The following MKLN1 variants were observed in gnomAD, a reference collection of about 807,000 sequenced individuals.
MKLN1 encodes the protein muskelin.
Under a neutral mutation model 99.0 loss-of-function variants are expected in MKLN1, and 18 were observed. The observed-to-expected ratio is 0.18, with a 90% confidence interval of 0.13 to 0.27. MKLN1 has a LOEUF of 0.27. Ranked by LOEUF, MKLN1 falls within the 10% of genes least tolerant of loss-of-function variation. MKLN1 has a pLI of 1.00. For synonymous variants in MKLN1, 288 were observed against 293.2 expected (o/e 0.98, Z 0.18); for missense variants, 621 against 875.9 (o/e 0.71, Z 3.67).
upstream of MKLN1, among the ~76,000 whole-genome samples, chr7:131,325,164 A>G (rs1280394310): frequency 6.6e-6 from 1 of 152,154 alleles, no homozygotes; most frequent in Non-Finnish European, 1.5e-5. Flanking sequence ...AACAGGACTG[A>G]GGATACAACT....
chr7:131,374,048 T>TA (rs1484771859), intron 1 of MKLN1, among the ~76,000 whole-genome samples: 1 of 152,206 alleles, frequency 6.6e-6, no homozygotes, highest in Non-Finnish European at 1.5e-5. Context: ...ATGGGTATTT[T>TA]ACCACTTAAA....
chr7:131,455,661 C>CTT (rs1202505724), intron 12 of MKLN1, among the ~76,000 whole-genome samples: 1 of 152,100 alleles, frequency 6.6e-6, no homozygotes, highest in East Asian at 1.9e-4. Flanking sequence ...TTTAGTTGAG[C>CTT]TTTTTAGCAG....
chr7:131,466,168 A>AT (rs1796656122), intron 14 of MKLN1, 108 bp from the exon 15 acceptor site: 3 of 770,754 alleles, frequency 3.9e-6, no homozygotes, highest in African/African-American at 1.8e-5. Context: ...ATAATTTTTA[A>AT]TTTTTTTATT....
chr7:131,308,917 C>A (rs1021074974), intron 3 of MKLN1, among the ~76,000 whole-genome samples: 2 of 152,128 alleles, frequency 1.3e-5, no homozygotes, highest in African/African-American at 4.8e-5. Context: ...TGAGAATGGA[C>A]GAATACAGAT....
intron 4 of MKLN1, 50 bp from the exon 5 acceptor site, chr7:131,397,217 T>G (rs1794386386): frequency 8.2e-7 from 1 of 1,223,708 alleles, no homozygotes; most frequent in Non-Finnish European, 1.2e-6. Context: ...AAAGTTTTAT[T>G]TGAACTGTGT....
chr7:131,262,826 A>C (rs541283172), intron 3 of MKLN1, among the ~76,000 whole-genome samples: 1 of 152,134 alleles, frequency 6.6e-6, no homozygotes, highest in East Asian at 2.0e-4. Flanking sequence ...GATTACAGGC[A>C]TGAGCCACCA....
chr7:131,185,338 G>A (rs1007656828), intron 2 of MKLN1, among the ~76,000 whole-genome samples: 1 of 151,724 alleles, frequency 6.6e-6, no homozygotes, highest in African/African-American at 2.4e-5. Context: ...AGCACTTTAG[G>A]AGGCCAAGGT....
intron 10 of MKLN1, 103 bp from the exon 11 acceptor site, chr7:131,443,378 T>G: frequency 1.3e-6 from 1 of 787,644 alleles, no homozygotes; most frequent in Admixed American, 2.1e-5. Flanking sequence ...GGGACAAAGT[T>G]TAGGGTTTTT....
intron 3 of MKLN1, among the ~76,000 whole-genome samples, chr7:131,235,468 A>G (rs1797307440): frequency 6.6e-6 from 1 of 152,130 alleles, no homozygotes; most frequent in South Asian, 2.1e-4. Context: ...AACAAATTTA[A>G]AAGTTCAAAA....
At chr7:131,422,550 T>C (rs1383438299) in intron 8 of MKLN1, among the ~76,000 whole-genome samples, 1 of 152,100 alleles carries the variant, frequency 6.6e-6, no homozygotes, top group African/African-American at 2.4e-5. Context: ...CAAGATTCTG[T>C]CTCCGGAAAT....
At position 131,280,815 on chromosome 7, in the gene MKLN1, A is replaced by T. The variant is rs543962486; in HGVS notation, c.-179+77841A>T. 9.1e-4 allele frequency among the ~76,000 whole-genome samples: 139 copies of T among 151,984 alleles called. 1 individual carries two copies. Among genetic ancestry groups the T allele is most frequent in the African/African-American group, 3.1e-3 (129 of 41,442 alleles). ...GGGCTAACACCACCACACCCAGCTA[A>T]TTTTTTGTATTTTTAGTAGAGACAG... On this transcript the variant is annotated intron_variant, in intron 3 of 7. Coordinates refer to the MKLN1 transcript ENST00000416992.
chr7:131,271,391 G>A (rs1378024769), intron 3 of MKLN1, among the ~76,000 whole-genome samples: 1 of 151,858 alleles, frequency 6.6e-6, no homozygotes, highest in Non-Finnish European at 1.5e-5. Flanking sequence ...GGCCGAGACA[G>A]GCAGATCATG....
chr7:131,136,652 C>G (rs998270863), intron 1 of MKLN1, among the ~76,000 whole-genome samples: 1 of 152,164 alleles, frequency 6.6e-6, no homozygotes, highest in Non-Finnish European at 1.5e-5. Flanking sequence ...TTGGGGATGT[C>G]CAGGGCCCAG....
At chr7:131,180,272 A>G (rs1365985097) in intron 2 of MKLN1, among the ~76,000 whole-genome samples, 1 of 152,238 alleles carries the variant, frequency 6.6e-6, no homozygotes, top group African/African-American at 2.4e-5. Flanking sequence ...CCTTCACGCT[A>G]CAGCAGGACT....
At chr7:131,411,244 T>C (rs1475196392) in intron 6 of MKLN1, 62 bp from the exon 7 acceptor site, 2 of 990,638 alleles carry the variant, frequency 2.0e-6, no homozygotes, top group African/African-American at 3.3e-5. Context: ...TTTAATTTTT[T>C]TCTATAATAA....
At chr7:131,263,648 T>G (rs1191567183) in intron 3 of MKLN1, among the ~76,000 whole-genome samples, 1 of 151,826 alleles carries the variant, frequency 6.6e-6, no homozygotes, top group African/African-American at 2.4e-5. Context: ...CTCGGCTCAC[T>G]GCAACCTCTG....
At chr7:131,484,101 C>A (rs1219818196) in intron 17 of MKLN1, among the ~76,000 whole-genome samples, 1 of 151,940 alleles carries the variant, frequency 6.6e-6, no homozygotes, top group East Asian at 1.9e-4. Flanking sequence ...TACACTAGAT[C>A]AGTTGTATTC....
At chr7:131,447,034 C>A (rs950598266) in intron 12 of MKLN1, among the ~76,000 whole-genome samples, 2 of 152,038 alleles carry the variant, frequency 1.3e-5, no homozygotes, top group African/African-American at 2.4e-5. Context: ...ACAGGAAAAG[C>A]GAAACTTTTT....
intron 3 of MKLN1, among the ~76,000 whole-genome samples, chr7:131,226,858 G>C (rs1292456858): frequency 6.6e-6 from 1 of 152,004 alleles, no homozygotes; most frequent in Non-Finnish European, 1.5e-5. Flanking sequence ...ATTTATTTTT[G>C]AGTCTTGATG....
Sources: gnomAD v4.1 joint callset for allele counts (sites outside exome capture counted in the v4.1 genomes callset) on GRCh38, gnomAD v4.1.1 for gene constraint, MANE v1.5 for transcripts, NCBI Gene and HGNC (gene_info 2026-07-23, HGNC 2026-07-21) for gene names.